BRCA1: variants seen among roughly 807,000 people sequenced by gnomAD.
BRCA1 encodes BRCA1 DNA repair associated.
A neutral mutation model predicts 173.7 loss-of-function variants in BRCA1; 140 were observed. The ratio of observed to expected loss-of-function variants is 0.81; its 90% CI spans 0.70 to 0.93. The LOEUF (loss-of-function observed/expected upper bound fraction) is 0.93, where lower values mean the gene tolerates loss of function less well. BRCA1 is among the 40% of genes least tolerant of loss of function. The pLI is 0.00. For missense variants in BRCA1, 1,983 were observed against 2,172.5 expected (o/e 0.91, Z 1.73); for synonymous variants, 662 against 756.0 (o/e 0.88, Z 2.04).
intron 1 of BRCA1, chr17:43,159,326 C>T (rs2056218942): frequency 6.1e-6 from 1 of 164,212 alleles, no homozygotes; most frequent in African/African-American, 2.4e-5. Context: ...GGCTGACCCC[C>T]CCACCTCCCT....
At chr17:43,097,318 C>A in intron 7 of BRCA1, 29 bp from the exon 8 acceptor site, 1 of 1,575,672 alleles carries the variant, frequency 6.3e-7, no homozygotes, top group East Asian at 2.2e-5. Context: ...AAAAATAAAT[C>A]AATAAAAGTT....
intron 6 of BRCA1, 98 bp from the exon 7 acceptor site, chr17:43,099,978 C>A (rs2154530521): frequency 1.1e-6 from 1 of 932,288 alleles, no homozygotes. Context: ...ATAAATTGAC[C>A]ATCATCAGTC....
At chr17:43,079,060 C>T (rs1239016968) in intron 12 of BRCA1, among the ~76,000 whole-genome samples, 3 of 152,010 alleles carry the variant, frequency 2.0e-5, no homozygotes, top group African/African-American at 7.3e-5. Context: ...ATTAGCTGGG[C>T]GTGGTGGCGG....
chr17:43,117,675 G>A (rs1424749086), intron 2 of BRCA1, among the ~76,000 whole-genome samples: 3 of 152,068 alleles, frequency 2.0e-5, no homozygotes, highest in African/African-American at 4.8e-5. Context: ...GGAAGTGCAC[G>A]TTGCAGTGAG....
intron 21 of BRCA1, 109 bp from the exon 22 acceptor site, chr17:43,047,812 C>T: frequency 8.3e-7 from 1 of 1,200,106 alleles, no homozygotes; most frequent in South Asian, 1.3e-5. Flanking sequence ...TGCTCTGTCA[C>T]CCAGGCTGGA....
At chr17:43,059,535 A>T (rs2051657721) in intron 18 of BRCA1, among the ~76,000 whole-genome samples, 1 of 151,646 alleles carries the variant, frequency 6.6e-6, no homozygotes, top group African/African-American at 2.4e-5. Flanking sequence ...TCTAAAACAG[A>T]GTTCCTGGTT....
chr17:43,142,974 ATG>A (rs1351394778), intron 1 of BRCA1, among the ~76,000 whole-genome samples: 2 of 72,306 alleles, frequency 2.8e-5, no homozygotes, highest in African/African-American at 3.9e-5. Flanking sequence ...GTGTATATAT[ATG>A]TGTGTATATA....
chr17:43,144,732 G>A (rs2056106069), intron 1 of BRCA1: 1 of 277,132 alleles, frequency 3.6e-6, no homozygotes, highest in African/African-American at 2.2e-5. Context: ...AATAAGAGCA[G>A]CTCCGAGGGC....
intron 1 of BRCA1, chr17:43,160,838 G>A (rs1168188269): frequency 6.6e-6 from 1 of 152,062 alleles, no homozygotes; most frequent in Non-Finnish European, 1.5e-5. Flanking sequence ...GATGCATTTT[G>A]GTATACTAAG....
At chr17:43,081,673 G>A (rs2053008324) in intron 12 of BRCA1, among the ~76,000 whole-genome samples, 1 of 152,084 alleles carries the variant, frequency 6.6e-6, no homozygotes, top group Admixed American at 6.6e-5. Context: ...CTGATGTATT[G>A]TCTTTCCAAT....
intron 1 of BRCA1, among the ~76,000 whole-genome samples, chr17:43,141,244 A>G (rs1022903730): frequency 2.0e-5 from 3 of 152,240 alleles, no homozygotes; most frequent in Non-Finnish European, 4.4e-5. Context: ...ATTGAGGACA[A>G]ACTGGGCAAA....
chr17:43,156,094 A>G (rs2056195213), intron 1 of BRCA1, among the ~76,000 whole-genome samples: 1 of 152,036 alleles, frequency 6.6e-6, no homozygotes, highest in African/African-American at 2.4e-5. Flanking sequence ...AAAATTAACC[A>G]GGCATGGTGG....
chr17:43,090,004 G>A (rs1203582034), intron 11 of BRCA1, among the ~76,000 whole-genome samples: 3 of 150,964 alleles, frequency 2.0e-5, no homozygotes, highest in Middle Eastern at 3.2e-3. Flanking sequence ...AAGAGACCCT[G>A]TGTCAAAGAA....
chr17:43,109,140 T>G (rs1439931529), intron 3 of BRCA1, among the ~76,000 whole-genome samples: 1 of 152,152 alleles, frequency 6.6e-6, no homozygotes, highest in East Asian at 1.9e-4. Context: ...ATTACAGGTG[T>G]GAGCCATTGC....
intron 3 of BRCA1, among the ~76,000 whole-genome samples, chr17:43,115,488 CGA>C (rs2055223207): frequency 7.1e-6 from 1 of 141,666 alleles, no homozygotes; most frequent in Non-Finnish European, 1.5e-5. Context: ...GGCGACAGAG[CGA>C]GACTTTGTCT....
At position 43,094,806 on chromosome 17, in the gene BRCA1, C is replaced by A; in HGVS notation, c.725G>T (p.Ser242Ile). 1.2e-6 allele frequency: 2 copies of A among 1,613,498 alleles called. No homozygotes were observed. The highest frequency in any genetic ancestry group is 1.7e-6 in the Non-Finnish European group (2 of 1,179,826). ...DVTNTEHHQP[S>I]NNDLNTTEKR... ...CTCAGTGGTGTTCAAATCATTATTA[C>A]TGGGTTGATGATGTTCAGTATTTGT... The change falls in exon 10 of 23, where the codon AGT (serine) becomes ATT (isoleucine). Residue 242 changes from serine to isoleucine, a missense_variant. Ser to Ile is a moderately radical substitution (Grantham distance 142, BLOSUM62 -2). Coordinates refer to ENST00000357654, the MANE Select transcript of BRCA1 (RefSeq NM_007294.4).
intron 12 of BRCA1, chr17:43,079,509 C>A (rs1230095695): frequency 7.0e-6 from 8 of 1,139,018 alleles, no homozygotes; most frequent in Non-Finnish European, 9.2e-6. Context: ...CGTGACCCAG[C>A]ATGCTGTTGG....
intron 1 of BRCA1, chr17:43,148,727 G>T (rs746799024): frequency 7.4e-5 from 12 of 161,942 alleles, no homozygotes; most frequent in Admixed American, 2.0e-4. Flanking sequence ...GGGCTCAGGG[G>T]CCTGACATTG....
Position 43,093,031 on chromosome 17 carries a change from C to G in BRCA1, c.2500G>C (p.Gly834Arg), listed in dbSNP as rs786202215. The change falls in exon 10 of 23, where the codon GGA (glycine) becomes CGA (arginine). Residue 834 changes from glycine to arginine, a missense_variant. Transcript: ENST00000357654. ...TCCCGACTGTGGTTAACTTCATGTC[C>G]CAATGGATACTTAAAGCCTTCTGTG... ...NDTEGFKYPL[G>R]HEVNHSRETS... The G allele has an allele frequency of 4.3e-6, 7 of 1,613,738 alleles. No individual in the cohort carries two copies. In the Admixed American group the frequency reaches 1.0e-4, roughly 23 times the overall value.
Sources: gnomAD v4.1 joint callset for allele counts (sites outside exome capture counted in the v4.1 genomes callset) on GRCh38, gnomAD v4.1.1 for gene constraint, MANE v1.5 for transcripts, NCBI Gene and HGNC (gene_info 2026-07-23, HGNC 2026-07-21) for gene names.